Variants in VPS54 observed in about 807,000 individuals in gnomAD.
VPS54 encodes vacuolar protein sorting-associated protein 54.
In VPS54, 45 loss-of-function variants were observed where a neutral mutation model predicts 121.5. That is an observed-to-expected ratio of 0.37 (90% CI 0.29 to 0.47). The LOEUF is 0.47. Ranked by LOEUF, VPS54 falls within the 20% of genes least tolerant of loss-of-function variation. The pLI is 0.99. For missense variants in VPS54, 1,090 were observed against 1,131.4 expected (o/e 0.96, Z 0.52); for synonymous variants, 371 against 385.8 (o/e 0.96, Z 0.45).
chr2:63,938,695 C>A (rs933125748), intron 11 of VPS54, among the ~76,000 whole-genome samples: 2 of 152,134 alleles, frequency 1.3e-5, no homozygotes, highest in Non-Finnish European at 2.9e-5. Flanking sequence ...AAATTCCTGA[C>A]CTCAGGTGAT....
chr2:63,948,065 A>G (rs958179201), intron 8 of VPS54, among the ~76,000 whole-genome samples: 1 of 152,078 alleles, frequency 6.6e-6, no homozygotes, highest in African/African-American at 2.4e-5. Flanking sequence ...TCCTGGGCTC[A>G]AACGATCCTC....
At chr2:63,929,933 G>A (rs941167127) in intron 12 of VPS54, among the ~76,000 whole-genome samples, 27 of 152,038 alleles carry the variant, frequency 1.8e-4, no homozygotes, top group African/African-American at 5.3e-4. Context: ...TAAATTCCTC[G>A]ACATATGCAC....
At chr2:63,982,984 C>T (rs1676867226) in intron 2 of VPS54, among the ~76,000 whole-genome samples, 1 of 152,104 alleles carries the variant, frequency 6.6e-6, no homozygotes, top group Non-Finnish European at 1.5e-5. Context: ...ATTAAGGAGT[C>T]AGGAGAATTT....
In VPS54 at chr2:64,019,100, C is replaced by A. The variant is rs1282029946; in HGVS notation, c.-183G>T. 6.0e-5 allele frequency: 9 copies of A among 151,150 alleles called. No homozygotes were observed. The South Asian group carries it at 7.6e-4, about 13-fold the overall frequency. 9.4% of individuals were successfully genotyped at this position (151,150 alleles called of 1,614,324 possible). On this transcript the variant is annotated 5_prime_UTR_variant, in exon 1 of 23. Transcript: ENST00000272322. The stretch of plus-strand genomic sequence containing the variant: ...CCCCGCCCCGCGCCCGCTGGCCAGT[C>A]GGCCCGGGGAGCACAGGGCCGCCCT...
chr2:63,977,880 G>A (rs1676621494), intron 3 of VPS54, among the ~76,000 whole-genome samples: 1 of 152,216 alleles, frequency 6.6e-6, no homozygotes, highest in South Asian at 2.1e-4. Flanking sequence ...GATTGCTATA[G>A]CTGCAGGTGT....
At position 63,999,208 on chromosome 2, in the gene VPS54, C is replaced by T. The variant is rs1677753386; in HGVS notation, c.-20-15189G>A. 2.0e-5 allele frequency among the ~76,000 whole-genome samples: 3 copies of T among 152,198 alleles called. No homozygotes were observed. The South Asian group carries it at 6.2e-4, about 32-fold the overall frequency. ...CAGCTGATCCACCCACCTCAGCCTC[C>T]CAAAGTGCCAGGATTACCGGTGTGA... On this transcript the variant is annotated intron_variant, in intron 1 of 22. Transcript: ENST00000272322.
chr2:63,992,131 T>C (rs1677351950), intron 1 of VPS54, among the ~76,000 whole-genome samples: 1 of 152,092 alleles, frequency 6.6e-6, no homozygotes. Flanking sequence ...CCTGTTTCCA[T>C]TCCGGCCGGT....
At chr2:63,938,084 G>GTGTGTGTGTGTC (rs1674545303) in intron 11 of VPS54, among the ~76,000 whole-genome samples, 2 of 151,252 alleles carry the variant, frequency 1.3e-5, no homozygotes, top group Non-Finnish European at 3.0e-5. Flanking sequence ...GTGTGTGTGT[G>GTGTGTGTGTGTC]TCTAGACAGG....
Position 63,901,916 on chromosome 2 carries a change from G to C in VPS54, c.2626-2335C>G, listed in dbSNP as rs141211654. Among the ~76,000 whole-genome samples, 47 of 152,280 alleles carry C rather than the reference G, an allele frequency of 3.1e-4. 2 individuals carry two copies. The East Asian group carries it at 8.3e-3, about 27-fold the overall frequency. ...TGTAATCCTAGCTACTTGGAAGGCT[G>C]AGGCAGCAGAATTGCTTGAACCCGG... On this transcript the variant is annotated intron_variant, in intron 20 of 22. Coordinates refer to ENST00000272322, the MANE Select transcript of VPS54 (RefSeq NM_016516.3).
In VPS54 at chr2:63,933,767, T is replaced by C; in HGVS notation, c.1645A>G (p.Ser549Gly). 6.2e-7 allele frequency: 1 copy of C among 1,613,940 alleles called. No individual in the cohort carries two copies. Among genetic ancestry groups the C allele is most frequent in the Non-Finnish European group, 8.5e-7 (1 of 1,179,860 alleles). ...NASPNSEPCS[S>G]DSVSEPECTT... is the part of the protein sequence containing the mutation. ...CATTCTGGCTCGGATACAGAATCAC[T>C]GCTGCAGGGCTCACTATTTGGAGAT... The change falls in exon 12 of 23, where the codon AGT (serine) becomes GGT (glycine). Residue 549 changes from serine to glycine, a missense_variant. Transcript: ENST00000272322.
intron 22 of VPS54, among the ~76,000 whole-genome samples, chr2:63,895,789 G>A (rs1434042213): frequency 6.6e-6 from 1 of 152,178 alleles, no homozygotes; most frequent in Non-Finnish European, 1.5e-5. Flanking sequence ...TATAAAGAAT[G>A]AGTTTCTGTT....
intron 7 of VPS54, among the ~76,000 whole-genome samples, chr2:63,957,347 C>A (rs1279814454): frequency 1.3e-5 from 2 of 148,806 alleles, no homozygotes; most frequent in African/African-American, 5.0e-5. Context: ...GAGGCTGAGG[C>A]AGAAGAATGG....
In VPS54 at chr2:63,964,470, T is replaced by C. The variant is rs1228832917; in HGVS notation, c.624+1365A>G. On this transcript the variant is annotated intron_variant, in intron 6 of 22. Coordinates refer to ENST00000272322, the MANE Select transcript of VPS54 (RefSeq NM_016516.3). Reference sequence around the variant, plus strand: ...ATACATTGATGAGACTTTTACTGGCTTTTGCTGTTTTTCTCTTTTTAAGGT... The same window carrying C: ...ATACATTGATGAGACTTTTACTGGCCTTTGCTGTTTTTCTCTTTTTAAGGT... Among the ~76,000 whole-genome samples the C allele has an allele frequency of 1.1e-4, 16 of 152,292 alleles. No individual in the cohort carries two copies. In the East Asian group the frequency reaches 2.5e-3, roughly 24 times the overall value.
chr2:64,010,923 T>C (rs932716694), intron 1 of VPS54, among the ~76,000 whole-genome samples: 1 of 152,184 alleles, frequency 6.6e-6, no homozygotes, highest in African/African-American at 2.4e-5. Flanking sequence ...AATCTAATTT[T>C]CTTTTTCTTT....
intron 12 of VPS54, among the ~76,000 whole-genome samples, chr2:63,924,630 C>T (rs960327470): frequency 2.6e-5 from 4 of 152,080 alleles, no homozygotes; most frequent in African/African-American, 9.7e-5. Context: ...GCCTGGGCAA[C>T]ATAGTAAGAC....
chr2:63,989,570 T>A (rs1360706321), intron 1 of VPS54, among the ~76,000 whole-genome samples: 1 of 152,130 alleles, frequency 6.6e-6, no homozygotes, highest in Non-Finnish European at 1.5e-5. Context: ...ATGGTTTTTC[T>A]TTTTTTCCTA....
In VPS54 at chr2:63,983,741, C is replaced by G. The variant is rs13025640; in HGVS notation, c.136+123G>C. On this transcript the variant is annotated intron_variant, in intron 2 of 22. Transcript: ENST00000272322. ...ACAGGCGTGAGCCACCGTGCCCGGCCCCCCCAAATGATTTTTAACATCATA... is the reference window on the plus strand; with the variant it reads ...ACAGGCGTGAGCCACCGTGCCCGGCGCCCCCAAATGATTTTTAACATCATA... 6.1e-3 allele frequency: 7,842 copies of G among 1,293,526 alleles called. 403 individuals carry two copies. In the African/African-American group the frequency reaches 0.11, roughly 18 times the overall value. 80.1% of individuals were successfully genotyped at this position (1,293,526 alleles called of 1,614,324 possible).
At chr2:63,909,512 C>T (rs1314957983) in intron 20 of VPS54, among the ~76,000 whole-genome samples, 9 of 143,284 alleles carry the variant, frequency 6.3e-5, no homozygotes, top group Admixed American at 3.0e-4. Flanking sequence ...ACCTCCGCCT[C>T]GTGGGTTCAA....
intron 1 of VPS54, among the ~76,000 whole-genome samples, chr2:63,997,351 C>A (rs977147931): frequency 1.3e-5 from 2 of 152,150 alleles, no homozygotes; most frequent in Non-Finnish European, 1.5e-5. Context: ...TACTGGGAGA[C>A]TTTTCATCAC....
Sources: allele counts gnomAD v4.1 joint callset (sites outside exome capture counted in the v4.1 genomes callset), GRCh38; gene constraint gnomAD v4.1.1; transcripts MANE v1.5; gene names NCBI Gene and HGNC (gene_info 2026-07-23, HGNC 2026-07-21).